The following GRIK2 variants were observed in gnomAD, a reference collection of about 807,000 sequenced individuals.
The protein encoded by GRIK2 is glutamate receptor ionotropic, kainate 2.
Under a neutral mutation model 100.3 loss-of-function variants are expected in GRIK2, and 32 were observed. The ratio of observed to expected loss-of-function variants is 0.32; its 90% CI spans 0.24 to 0.43. The LOEUF (loss-of-function observed/expected upper bound fraction) is 0.43, where lower values mean the gene tolerates loss of function less well. GRIK2 is among the 20% of genes least tolerant of loss of function. GRIK2 has a pLI of 1.00. For missense variants in GRIK2, 843 were observed against 1,114.9 expected (o/e 0.76, Z 3.47); for synonymous variants, 417 against 389.4 (o/e 1.07, Z -0.83).
chr6:101,728,905 G>T (rs1040173079), intron 7 of GRIK2, among the ~76,000 whole-genome samples: 1 of 151,992 alleles, frequency 6.6e-6, no homozygotes, highest in Admixed American at 6.6e-5. Context: ...CTTGAAATAG[G>T]TGTCTTATGG....
At chr6:101,631,628 TA>T (rs766592185) in intron 4 of GRIK2, among the ~76,000 whole-genome samples, 21 of 152,266 alleles carry the variant, frequency 1.4e-4, no homozygotes, top group Admixed American at 7.9e-4. Flanking sequence ...CACCAGAGCC[TA>T]AACTAGAAAC....
rs565924508 is a variant in GRIK2 at position 101,466,776 on chromosome 6, T to C, written c.115+67384T>C. On this transcript the variant is annotated intron_variant, in intron 2 of 16. Coordinates refer to ENST00000369134, the MANE Select transcript of GRIK2 (RefSeq NM_021956.5). ...CTGATGTATTTTGAAGGAGTTTGTGTGCTTTCAAGAGTTTTAGCAGGAAAC... is the reference window on the plus strand; with the variant it reads ...CTGATGTATTTTGAAGGAGTTTGTGCGCTTTCAAGAGTTTTAGCAGGAAAC... Among the ~76,000 whole-genome samples, 9 of 152,292 alleles carry C rather than the reference T, an allele frequency of 5.9e-5. No homozygotes were observed. In the South Asian group the frequency reaches 1.9e-3, roughly 32 times the overall value.
At chr6:101,427,241 C>T (rs1769077471) in intron 2 of GRIK2, among the ~76,000 whole-genome samples, 1 of 152,234 alleles carries the variant, frequency 6.6e-6, no homozygotes. Flanking sequence ...CTTGACACCG[C>T]TCCTCCCACT....
chr6:101,734,805 A>T (rs1420782065), intron 7 of GRIK2, among the ~76,000 whole-genome samples: 1 of 152,210 alleles, frequency 6.6e-6, no homozygotes, highest in African/African-American at 2.4e-5. Context: ...TTTTAAAAGG[A>T]CATGAGGAAG....
chr6:101,776,495 G>T (rs541074012), intron 7 of GRIK2, among the ~76,000 whole-genome samples: 12 of 152,238 alleles, frequency 7.9e-5, no homozygotes, highest in Non-Finnish European at 1.5e-4. Context: ...TAATATGAAT[G>T]TTAGCCACAG....
chr6:101,768,613 A>G (rs1778186119), intron 7 of GRIK2, among the ~76,000 whole-genome samples: 1 of 152,230 alleles, frequency 6.6e-6, no homozygotes, highest in African/African-American at 2.4e-5. Context: ...TTATGTTAAT[A>G]TGAGGGACAC....
At chr6:101,892,012 T>C (rs2128458267) in intron 12 of GRIK2, among the ~76,000 whole-genome samples, 1 of 152,138 alleles carries the variant, frequency 6.6e-6, no homozygotes, top group East Asian at 1.9e-4. Context: ...AACAGAAAAA[T>C]AAATACTCCA....
chr6:101,680,329 T>G (rs1323229732), intron 5 of GRIK2, among the ~76,000 whole-genome samples: 1 of 152,188 alleles, frequency 6.6e-6, no homozygotes, highest in Non-Finnish European at 1.5e-5. Flanking sequence ...GGCAAAAATT[T>G]TAGAATGCAT....
At chr6:101,749,776 T>C (rs1196714391) in intron 7 of GRIK2, among the ~76,000 whole-genome samples, 1 of 151,674 alleles carries the variant, frequency 6.6e-6, no homozygotes, top group African/African-American at 2.4e-5. Flanking sequence ...TAACTATTGC[T>C]TACTGAAAAC....
chr6:101,819,981 G>T (rs1781857335), intron 10 of GRIK2, among the ~76,000 whole-genome samples: 1 of 151,918 alleles, frequency 6.6e-6, no homozygotes, highest in Admixed American at 6.6e-5. Context: ...TATATATAGG[G>T]TCCTCTATGG....
chr6:101,970,685 C>T (rs1792990510), intron 14 of GRIK2, among the ~76,000 whole-genome samples: 9 of 144,130 alleles, frequency 6.2e-5, no homozygotes. Context: ...ATGCCCCATC[C>T]CAATATTTAC....
intron 7 of GRIK2, among the ~76,000 whole-genome samples, chr6:101,698,506 A>G (rs1772656042): frequency 6.6e-6 from 1 of 152,106 alleles, no homozygotes; most frequent in Admixed American, 6.6e-5. Context: ...ATTAATCTTC[A>G]GAATGCCCTG....
chr6:101,815,604 A>AAAC (rs1781585081), intron 9 of GRIK2, among the ~76,000 whole-genome samples: 1 of 147,440 alleles, frequency 6.8e-6, no homozygotes, highest in Non-Finnish European at 1.5e-5. Context: ...TAAGCATCTT[A>AAAC]ATTGCGTTTC....
chr6:101,732,433 C>T (rs925004465), intron 7 of GRIK2, among the ~76,000 whole-genome samples: 1 of 151,878 alleles, frequency 6.6e-6, no homozygotes, highest in Non-Finnish European at 1.5e-5. Flanking sequence ...AGAGAAAAGA[C>T]TTGGTTGTTT....
intron 2 of GRIK2, among the ~76,000 whole-genome samples, chr6:101,413,940 T>C (rs1252366042): frequency 6.6e-6 from 1 of 152,210 alleles, no homozygotes; most frequent in African/African-American, 2.4e-5. Context: ...TTCATTTATT[T>C]ATTCTTTCAA....
intron 14 of GRIK2, among the ~76,000 whole-genome samples, chr6:101,986,409 CTAGT>C (rs754257663): frequency 4.0e-5 from 6 of 151,802 alleles, no homozygotes; most frequent in Non-Finnish European, 8.8e-5. Context: ...TGTGATTTTA[CTAGT>C]TACTTTACCT....
chr6:101,521,444 T>C (rs1427557486), intron 2 of GRIK2, among the ~76,000 whole-genome samples: 1 of 151,982 alleles, frequency 6.6e-6, no homozygotes, highest in African/African-American at 2.4e-5. Flanking sequence ...ATTTAAAGCA[T>C]GTTCATGCAT....
chr6:101,467,203 G>A (rs1032347214), intron 2 of GRIK2, among the ~76,000 whole-genome samples: 5 of 152,148 alleles, frequency 3.3e-5, no homozygotes, highest in Non-Finnish European at 7.4e-5. Context: ...TTCTGGACCA[G>A]AGAAAGCACT....
chr6:101,819,316 T>C (rs1277079632), intron 10 of GRIK2, among the ~76,000 whole-genome samples: 1 of 152,196 alleles, frequency 6.6e-6, no homozygotes, highest in African/African-American at 2.4e-5. Flanking sequence ...ATTTATATAA[T>C]TTCTAAATTT....
Sources: allele counts gnomAD v4.1 joint callset (sites outside exome capture counted in the v4.1 genomes callset), GRCh38; gene constraint gnomAD v4.1.1; transcripts MANE v1.5; gene names NCBI Gene and HGNC (gene_info 2026-07-23, HGNC 2026-07-21).